The following PDE11A variants were observed in gnomAD, a reference collection of about 807,000 sequenced individuals.
The protein encoded by PDE11A is dual 3',5'-cyclic-AMP and -GMP phosphodiesterase 11A.
PDE11A carries 100 observed loss-of-function variants against 100.5 expected under a neutral mutation model. The observed-to-expected ratio is 1.00, with a 90% confidence interval of 0.85 to 1.18. PDE11A has a LOEUF of 1.18. PDE11A is among the 50% of genes most tolerant of loss of function. The pLI is 0.00. For synonymous variants in PDE11A, 381 were observed against 420.8 expected, an observed-to-expected ratio of 0.91 and a Z score of 1.16; for missense variants, 1,141 against 1,152.6, an observed-to-expected ratio of 0.99 and a Z score of 0.15.
At chr2:177,637,280 C>T (rs2080054110) in intron 19 of PDE11A, among the ~76,000 whole-genome samples, 1 of 152,170 alleles carries the variant, frequency 6.6e-6, no homozygotes, top group African/African-American at 2.4e-5. Flanking sequence ...CTAAGTCTTT[C>T]TGACTCTAAT....
At chr2:177,763,914 G>A (rs1461036222) in intron 10 of PDE11A, among the ~76,000 whole-genome samples, 1 of 152,188 alleles carries the variant, frequency 6.6e-6, no homozygotes, top group Non-Finnish European at 1.5e-5. Context: ...CCAAGAGAAG[G>A]GGGGCAGCCC....
At chr2:177,959,807 G>A (rs1022540419) in intron 2 of PDE11A, among the ~76,000 whole-genome samples, 2 of 152,144 alleles carry the variant, frequency 1.3e-5, no homozygotes, top group Non-Finnish European at 2.9e-5. Flanking sequence ...GGTTTATTAA[G>A]TATTGGTGAG....
chr2:177,758,246 G>A (rs1234634429), intron 10 of PDE11A, among the ~76,000 whole-genome samples: 3 of 144,666 alleles, frequency 2.1e-5, no homozygotes, highest in Non-Finnish European at 4.5e-5. Flanking sequence ...GCAGTGAGCC[G>A]AGATGGCGCC....
At chr2:177,656,247 G>A (rs1378785181) in intron 19 of PDE11A, among the ~76,000 whole-genome samples, 1 of 152,136 alleles carries the variant, frequency 6.6e-6, no homozygotes, top group Non-Finnish European at 1.5e-5. Context: ...TATTTCTACT[G>A]TACCTTTTCT....
At position 177,963,685 on chromosome 2, in the gene PDE11A, G is replaced by C. The variant is rs200306716; in HGVS notation, c.1071+50617C>G. ...TCTTGAAATCTGTCTGCAGAAATAT[G>C]ATATCTGAAAATAGCTTTTATCCTA... On this transcript the variant is annotated intron_variant, in intron 2 of 19. Coordinates refer to ENST00000286063, the MANE Select transcript of PDE11A (RefSeq NM_016953.4). 8.4e-4 allele frequency among the ~76,000 whole-genome samples: 29 copies of C among 34,528 alleles called. No homozygotes were observed. The African/African-American group carries it at 0.024, about 28-fold the overall frequency. 22.7% of individuals were successfully genotyped at this position (34,528 alleles called of 152,430 possible).
intron 2 of PDE11A, among the ~76,000 whole-genome samples, chr2:177,914,353 G>A (rs527931680): frequency 1.3e-5 from 2 of 152,166 alleles, no homozygotes; most frequent in South Asian, 4.1e-4. Context: ...CAAGCTATGA[G>A]CGCTTTGTCT....
At chr2:177,691,472 C>G (rs868645058) in intron 15 of PDE11A, among the ~76,000 whole-genome samples, 42 of 152,320 alleles carry the variant, frequency 2.8e-4, no homozygotes, top group Middle Eastern at 6.8e-3. Context: ...TTTGCATCCT[C>G]AAATTTCTGC....
At chr2:177,668,121 A>G (rs1181061025) in intron 18 of PDE11A, among the ~76,000 whole-genome samples, 1 of 152,152 alleles carries the variant, frequency 6.6e-6, no homozygotes, top group African/African-American at 2.4e-5. Flanking sequence ...TTCTACCGCA[A>G]AATTAATTTC....
chr2:177,759,915 C>T (rs922066446), intron 10 of PDE11A, among the ~76,000 whole-genome samples: 1 of 152,172 alleles, frequency 6.6e-6, no homozygotes, highest in Non-Finnish European at 1.5e-5. Context: ...CTTTCTCAGA[C>T]GTCATTACCA....
At chr2:177,875,621 T>G (rs2084223198) in intron 5 of PDE11A, among the ~76,000 whole-genome samples, 1 of 152,088 alleles carries the variant, frequency 6.6e-6, no homozygotes, top group African/African-American at 2.4e-5. Context: ...GATCTCATGA[T>G]TCGCCCGCCT....
At chr2:177,914,597 A>G (rs1159137057) in intron 2 of PDE11A, among the ~76,000 whole-genome samples, 13 of 152,290 alleles carry the variant, frequency 8.5e-5, no homozygotes, top group Admixed American at 8.5e-4. Context: ...AGTTATTAAG[A>G]TCATTATGAT....
intron 4 of PDE11A, among the ~76,000 whole-genome samples, chr2:177,897,176 G>A (rs947040053): frequency 6.6e-6 from 1 of 152,110 alleles, no homozygotes; most frequent in Admixed American, 6.5e-5. Context: ...CACAATTCCC[G>A]ATCTTTGAAG....
intron 9 of PDE11A, among the ~76,000 whole-genome samples, chr2:177,807,107 TTA>T (rs1395620641): frequency 6.6e-6 from 1 of 152,038 alleles, no homozygotes; most frequent in Non-Finnish European, 1.5e-5. Context: ...TAAAACACAT[TTA>T]TGTACATCAT....
intron 10 of PDE11A, among the ~76,000 whole-genome samples, chr2:177,753,683 G>C (rs1011406740): frequency 6.6e-6 from 1 of 151,726 alleles, no homozygotes; most frequent in African/African-American, 2.4e-5. Context: ...CTAGCAGAGA[G>C]AGGCTTGCTT....
intron 5 of PDE11A, among the ~76,000 whole-genome samples, chr2:177,853,652 A>G (rs1255947802): frequency 3.2e-4 from 7 of 21,586 alleles, no homozygotes; most frequent in African/African-American, 9.4e-4. Flanking sequence ...ATATATATAT[A>G]TATATATATA....
chr2:178,005,661 A>G (rs1343366330), intron 2 of PDE11A, among the ~76,000 whole-genome samples: 1 of 152,230 alleles, frequency 6.6e-6, no homozygotes, highest in East Asian at 1.9e-4. Context: ...AATACTGTCT[A>G]CTAAGTAGAA....
chr2:177,930,912 A>T (rs974097816), intron 2 of PDE11A, among the ~76,000 whole-genome samples: 5 of 152,188 alleles, frequency 3.3e-5, no homozygotes, highest in Non-Finnish European at 2.9e-5. Context: ...CCTTAATTAG[A>T]AAAGCCCCAG....
chr2:177,782,799 C>G (rs1000086713), intron 9 of PDE11A, among the ~76,000 whole-genome samples: 5 of 151,978 alleles, frequency 3.3e-5, no homozygotes, highest in Non-Finnish European at 7.4e-5. Context: ...CTTTCTCCCT[C>G]CTTTTTCTTC....
chr2:177,924,005 T>G (rs1200212971), intron 2 of PDE11A, among the ~76,000 whole-genome samples: 1 of 152,236 alleles, frequency 6.6e-6, no homozygotes, highest in Non-Finnish European at 1.5e-5. Flanking sequence ...TATAAAGACA[T>G]ATATTCACCA....
Sources: gnomAD v4.1 joint callset for allele counts (sites outside exome capture counted in the v4.1 genomes callset) on GRCh38, gnomAD v4.1.1 for gene constraint, MANE v1.5 for transcripts, NCBI Gene and HGNC (gene_info 2026-07-23, HGNC 2026-07-21) for gene names.